EPHA6: variants seen among roughly 807,000 people sequenced by gnomAD.
The protein encoded by EPHA6 is ephrin type-A receptor 6.
A neutral mutation model predicts 112.0 loss-of-function variants in EPHA6; 50 were observed. The observed-to-expected ratio is 0.45, with a 90% CI of 0.36 to 0.56. EPHA6 has a LOEUF of 0.56. Among genes scored for constraint, EPHA6 ranks in the 20% least tolerant of loss-of-function variants. The probability of loss-of-function intolerance (pLI) is 0.00; values close to 1 mark genes in which losing one functional copy is unlikely to be tolerated. For synonymous variants in EPHA6, 529 were observed against 490.7 expected, an observed-to-expected ratio of 1.08 and a Z score of -1.03; for missense variants, 1,280 against 1,417.4, an observed-to-expected ratio of 0.90 and a Z score of 1.56.
intron 11 of EPHA6, among the ~76,000 whole-genome samples, chr3:97,591,475 G>A (rs2093543844): frequency 6.6e-6 from 1 of 152,140 alleles, no homozygotes; most frequent in Non-Finnish European, 1.5e-5. Flanking sequence ...GATTCAAAAT[G>A]TGAAGCTATG....
Position 97,684,590 on chromosome 3 carries a change from C to T in EPHA6, c.2785-35671C>T, listed in dbSNP as rs138022491. 4.9e-3 allele frequency among the ~76,000 whole-genome samples: 740 copies of T among 152,174 alleles called. 12 individuals are homozygous for T. Among genetic ancestry groups the T allele is most frequent in the African/African-American group, 0.017 (706 of 41,532 alleles). Reference sequence around the variant, plus strand: ...TCACTTCCACGTCTAATAATGTTATCGCTACCACTTGGTATAGGAAGGGTT... The same window carrying T: ...TCACTTCCACGTCTAATAATGTTATTGCTACCACTTGGTATAGGAAGGGTT... On this transcript the variant is annotated intron_variant, in intron 14 of 17. Coordinates refer to ENST00000389672, the MANE Select transcript of EPHA6 (RefSeq NM_001080448.3).
chr3:97,064,482 C>T (rs950690632), intron 3 of EPHA6, among the ~76,000 whole-genome samples: 2 of 152,124 alleles, frequency 1.3e-5, no homozygotes, highest in Non-Finnish European at 2.9e-5. Flanking sequence ...CTGTATTCCT[C>T]ACTAAACTGC....
intron 5 of EPHA6, among the ~76,000 whole-genome samples, chr3:97,383,340 T>G (rs1479923364): frequency 3.9e-5 from 6 of 152,172 alleles, no homozygotes; most frequent in Admixed American, 1.3e-4. Flanking sequence ...CCGGAAACAC[T>G]GAATGAAGGG....
chr3:96,995,932 A>G (rs1051736303), intron 3 of EPHA6, among the ~76,000 whole-genome samples: 1 of 152,126 alleles, frequency 6.6e-6, no homozygotes, highest in African/African-American at 2.4e-5. Flanking sequence ...TAGCCACTTC[A>G]GTTGACTCTT....
intron 5 of EPHA6, among the ~76,000 whole-genome samples, chr3:97,363,171 AATATATATATATATATATATATATATAT>A (rs58214738): frequency 0.063 from 3,241 of 51,396 alleles, 282 homozygotes; most frequent in Non-Finnish European, 0.12. Flanking sequence ...TTGCCCCTGC[AATATATATATATATATATATATATATAT>A]ATATATATAT....
intron 1 of EPHA6, among the ~76,000 whole-genome samples, chr3:96,855,932 G>T (rs771573322): frequency 6.6e-6 from 1 of 152,078 alleles, no homozygotes; most frequent in Non-Finnish European, 1.5e-5. Context: ...GGTAACTTAA[G>T]ACTTGGCCTG....
At chr3:96,831,365 C>T (rs2034067413) in intron 1 of EPHA6, among the ~76,000 whole-genome samples, 1 of 152,098 alleles carries the variant, frequency 6.6e-6, no homozygotes, top group Non-Finnish European at 1.5e-5. Context: ...GATCCTCCTC[C>T]ACGTGGGCTA....
intron 12 of EPHA6, among the ~76,000 whole-genome samples, chr3:97,595,632 C>T (rs1366020705): frequency 6.8e-6 from 1 of 147,064 alleles, no homozygotes; most frequent in Non-Finnish European, 1.5e-5. Context: ...GCAATAAAAG[C>T]GAAACTTCAT....
intron 5 of EPHA6, among the ~76,000 whole-genome samples, chr3:97,295,679 T>G (rs2080851050): frequency 6.6e-6 from 1 of 152,098 alleles, no homozygotes; most frequent in Admixed American, 6.5e-5. Context: ...TTTTTCCAAG[T>G]TTTTGGATTG....
chr3:97,490,409 G>A (rs1026686362), intron 10 of EPHA6, among the ~76,000 whole-genome samples: 1 of 152,114 alleles, frequency 6.6e-6, no homozygotes, highest in Non-Finnish European at 1.5e-5. Flanking sequence ...ATATTACATT[G>A]ATATTTTATT....
intron 5 of EPHA6, among the ~76,000 whole-genome samples, chr3:97,331,447 A>T (rs1284132745): frequency 2.0e-5 from 3 of 152,204 alleles, no homozygotes; most frequent in Non-Finnish European, 4.4e-5. Flanking sequence ...TCAAAAAATC[A>T]ATGAATCCAG....
At position 97,759,972 on chromosome 3, in the gene EPHA6, T is replaced by C. The variant is rs1377297015; in HGVS notation, c.*11271T>C. 2 of 191,256 alleles carry C rather than the reference T, an allele frequency of 1.0e-5. No individual in the cohort carries two copies. The highest frequency in any genetic ancestry group is 6.1e-5 in the Admixed American group (1 of 16,278). The allele number at this position is 191,256 out of a possible 1,614,324, so 11.8% of individuals were successfully genotyped here. On this transcript the variant is annotated 3_prime_UTR_variant, in exon 18 of 18. Coordinates refer to ENST00000389672, the MANE Select transcript of EPHA6 (RefSeq NM_001080448.3). ...GAGAACTTCTCAATGCCATAAATAC[T>C]GTTTTCCTTATTTTCATCTATTACA...
At position 97,637,283 on chromosome 3, in the gene EPHA6, A is replaced by G. The variant is rs369598190; in HGVS notation, c.2575-590A>G. On this transcript the variant is annotated intron_variant, in intron 13 of 17. Transcript: ENST00000389672. ...CTAACAACTTTTCTGTCTTCCCTGT[A>G]TAATGAAAAAAATGGAAAACTCTAT... Among the ~76,000 whole-genome samples, 46 of 152,274 alleles carry G rather than the reference A, an allele frequency of 3.0e-4. No homozygotes were observed. In the South Asian group the frequency reaches 9.5e-3, roughly 32 times the overall value.
chr3:97,642,666 G>A lies in EPHA6; in HGVS notation c.2784+4584G>A, dbSNP rs556163447. Among the ~76,000 whole-genome samples, 16 of 152,236 alleles carry A rather than the reference G, an allele frequency of 1.1e-4. No homozygotes were observed. The South Asian group carries it at 2.5e-3, about 24-fold the overall frequency. ...ATGCAGAAGTCTTAGGAGCCGATGCGATCAACTGGAAGAAAGGGTATCAGC... is the reference window on the plus strand; with the variant it reads ...ATGCAGAAGTCTTAGGAGCCGATGCAATCAACTGGAAGAAAGGGTATCAGC... On this transcript the variant is annotated intron_variant, in intron 14 of 17. Transcript: ENST00000389672.
At chr3:97,203,593 A>G (rs976589919) in intron 3 of EPHA6, among the ~76,000 whole-genome samples, 2 of 152,100 alleles carry the variant, frequency 1.3e-5, no homozygotes, top group African/African-American at 4.8e-5. Context: ...AAATCTAATG[A>G]AATATTTAAG....
At chr3:97,171,741 A>G (rs1207152950) in intron 3 of EPHA6, among the ~76,000 whole-genome samples, 1 of 152,016 alleles carries the variant, frequency 6.6e-6, no homozygotes, top group East Asian at 1.9e-4. Flanking sequence ...AAGCTTAAAT[A>G]CCTGTCAATT....
intron 2 of EPHA6, among the ~76,000 whole-genome samples, chr3:96,966,153 T>G (rs916155728): frequency 6.6e-6 from 1 of 152,158 alleles, no homozygotes; most frequent in Admixed American, 6.6e-5. Context: ...TTTACTGAGT[T>G]TTTAAAAAAT....
At chr3:97,322,078 CT>C (rs1240896394) in intron 5 of EPHA6, among the ~76,000 whole-genome samples, 1 of 152,016 alleles carries the variant, frequency 6.6e-6, no homozygotes, top group Non-Finnish European at 1.5e-5. Context: ...GAAGAACAGA[CT>C]TTCTCAAACT....
At chr3:97,519,803 C>T (rs1577650767) in intron 10 of EPHA6, among the ~76,000 whole-genome samples, 1 of 151,394 alleles carries the variant, frequency 6.6e-6, no homozygotes, top group African/African-American at 2.4e-5. Flanking sequence ...TGTGTAGAAA[C>T]ACTGCTGATT....
Sources: allele counts gnomAD v4.1 joint callset (sites outside exome capture counted in the v4.1 genomes callset), GRCh38; gene constraint gnomAD v4.1.1; transcripts MANE v1.5; gene names NCBI Gene and HGNC (gene_info 2026-07-23, HGNC 2026-07-21).